The following EPHA6 variants were observed in gnomAD, a reference collection of about 807,000 sequenced individuals.
The protein encoded by EPHA6 is EPH receptor A6, also known as ephrin type-A receptor 6.
A neutral mutation model predicts 112.0 loss-of-function variants in EPHA6; 50 were observed. The observed-to-expected ratio is 0.45, with a 90% CI of 0.36 to 0.56. EPHA6 has a LOEUF of 0.56. EPHA6 is among the 20% of genes least tolerant of loss of function. EPHA6 has a pLI of 0.00. For missense variants in EPHA6, 1,280 were observed against 1,417.4 expected (o/e 0.90, Z 1.56); for synonymous variants, 529 against 490.7 (o/e 1.08, Z -1.03).
At chr3:97,548,141 C>T (rs2092982158) in intron 11 of EPHA6, among the ~76,000 whole-genome samples, 1 of 152,180 alleles carries the variant, frequency 6.6e-6, no homozygotes, top group African/African-American at 2.4e-5. Context: ...GCAAAATCAC[C>T]CGTCTTCTGT....
chr3:97,254,426 G>C (rs1034314314), intron 5 of EPHA6, among the ~76,000 whole-genome samples: 3 of 152,184 alleles, frequency 2.0e-5, no homozygotes, highest in African/African-American at 7.2e-5. Context: ...CTGACCTCTT[G>C]TTCCGCCTGC....
chr3:96,921,379 CTT>C (rs2039753855), intron 2 of EPHA6, among the ~76,000 whole-genome samples: 1 of 151,896 alleles, frequency 6.6e-6, no homozygotes, highest in Non-Finnish European at 1.5e-5. Context: ...ATCCAGAAAA[CTT>C]AAACATAAAC....
chr3:96,981,113 G>A (rs371996321), intron 2 of EPHA6, among the ~76,000 whole-genome samples: 22 of 152,088 alleles, frequency 1.4e-4, no homozygotes, highest in African/African-American at 2.4e-4. Flanking sequence ...GAGAGAGGGC[G>A]TCCCTGTCTT....
chr3:97,402,148 T>G (rs2087030086), intron 5 of EPHA6, among the ~76,000 whole-genome samples: 1 of 152,066 alleles, frequency 6.6e-6, no homozygotes. Context: ...ATGAAATGTT[T>G]TGTAACTATT....
intron 3 of EPHA6, among the ~76,000 whole-genome samples, chr3:97,051,261 G>A (rs576094956): frequency 6.6e-6 from 1 of 152,232 alleles, no homozygotes; most frequent in Admixed American, 6.5e-5. Flanking sequence ...TTTGGAAAAT[G>A]TCACTGGAGA....
intron 14 of EPHA6, among the ~76,000 whole-genome samples, chr3:97,712,424 GT>G (rs2107767925): frequency 6.6e-6 from 1 of 152,236 alleles, no homozygotes; most frequent in African/African-American, 2.4e-5. Flanking sequence ...CATGCAGTAT[GT>G]TTTCAAAACC....
intron 1 of EPHA6, among the ~76,000 whole-genome samples, chr3:96,863,165 G>T (rs1022336356): frequency 6.6e-6 from 1 of 151,752 alleles, no homozygotes; most frequent in South Asian, 2.1e-4. Context: ...ATAAATAATA[G>T]GTGTTAATCT....
At chr3:97,033,163 G>A (rs1007816353) in intron 3 of EPHA6, among the ~76,000 whole-genome samples, 6 of 151,952 alleles carry the variant, frequency 3.9e-5, no homozygotes, top group African/African-American at 1.4e-4. Context: ...CGGTACTCTT[G>A]GAAAGGTTGT....
Position 97,736,075 on chromosome 3 carries a change from C to T in EPHA6, c.3085C>T (p.Arg1029Ter), listed in dbSNP as rs765964140. 2.5e-6 allele frequency: 4 copies of T among 1,612,204 alleles called. No individual in the cohort carries two copies. The highest frequency in any genetic ancestry group is 3.4e-6 in the Non-Finnish European group (4 of 1,179,056). The change falls in exon 16 of 18, where the codon CGA (arginine) becomes TGA (stop). Residue 1029 changes from arginine (R) to a stop codon, truncating the protein, a stop_gained. Transcript: ENST00000389672. LOFTEE classifies it high-confidence loss of function. ...TGTCAGCTTCCTTGACAAACTGATCCGAAATCCCAGTGCCCTTCACACCCT... is the reference window on the plus strand; with the variant it reads ...TGTCAGCTTCCTTGACAAACTGATCTGAAATCCCAGTGCCCTTCACACCCT... The part of the protein sequence containing the change: ...DIVSFLDKLI[R>*]NPSALHTLVE...
At chr3:97,028,236 A>T (rs1057175094) in intron 3 of EPHA6, among the ~76,000 whole-genome samples, 2 of 151,952 alleles carry the variant, frequency 1.3e-5, no homozygotes, top group African/African-American at 2.4e-5. Context: ...TTACTGCTTT[A>T]ATTTCCCTGG....
intron 14 of EPHA6, among the ~76,000 whole-genome samples, chr3:97,651,261 C>T (rs1235823573): frequency 6.6e-6 from 1 of 152,008 alleles, no homozygotes; most frequent in Non-Finnish European, 1.5e-5. Flanking sequence ...AAACCTAAAA[C>T]AATCTTCAAT....
intron 13 of EPHA6, among the ~76,000 whole-genome samples, chr3:97,634,481 G>A (rs544873707): frequency 6.6e-6 from 1 of 152,000 alleles, no homozygotes; most frequent in Non-Finnish European, 1.5e-5. Flanking sequence ...AACACAGGTG[G>A]GGTTCCCTGG....
chr3:97,382,556 G>C (rs1034078108), intron 5 of EPHA6, among the ~76,000 whole-genome samples: 1 of 151,974 alleles, frequency 6.6e-6, no homozygotes, highest in Non-Finnish European at 1.5e-5. Flanking sequence ...CCTGACTTCG[G>C]TATACCCAGT....
At chr3:97,745,220 T>C (rs893715015) in intron 16 of EPHA6, 14 of 278,610 alleles carry the variant, frequency 5.0e-5, no homozygotes, top group African/African-American at 3.0e-4. Context: ...GTATTTTACA[T>C]ATGAAATTTT....
In EPHA6 at chr3:97,663,328, T is replaced by C. The variant is rs116014017; in HGVS notation, c.2784+25246T>C. Reference sequence around the variant, plus strand: ...TTTTTGTGGAGCCTTTTTTTTTCTTTTTTTATATATACTTTTTTTATTATA... The same window carrying C: ...TTTTTGTGGAGCCTTTTTTTTTCTTCTTTTATATATACTTTTTTTATTATA... On this transcript the variant is annotated intron_variant, in intron 14 of 17. Coordinates refer to ENST00000389672, the MANE Select transcript of EPHA6 (RefSeq NM_001080448.3). 4.1e-3 allele frequency among the ~76,000 whole-genome samples: 628 copies of C among 152,172 alleles called. 6 individuals are homozygous for C. Among genetic ancestry groups the C allele is most frequent in the African/African-American group, 0.015 (607 of 41,566 alleles).
chr3:97,563,296 G>C (rs1026975008), intron 11 of EPHA6, among the ~76,000 whole-genome samples: 22 of 152,146 alleles, frequency 1.4e-4, no homozygotes, highest in African/African-American at 4.8e-4. Flanking sequence ...AGAATGTCCT[G>C]TGAAAATCTG....
intron 5 of EPHA6, among the ~76,000 whole-genome samples, chr3:97,383,438 A>G (rs2085867780): frequency 6.6e-6 from 1 of 152,106 alleles, no homozygotes; most frequent in Non-Finnish European, 1.5e-5. Flanking sequence ...CATTGAAAAC[A>G]TGCCCTGAAA....
intron 14 of EPHA6, chr3:97,646,081 A>C (rs1176140159): frequency 6.9e-7 from 1 of 1,450,190 alleles, no homozygotes; most frequent in Non-Finnish European, 9.3e-7. Flanking sequence ...ATACGGACAG[A>C]ATAGGCATTT....
chr3:97,412,890 T>C (rs998442450), intron 6 of EPHA6, among the ~76,000 whole-genome samples: 2 of 152,056 alleles, frequency 1.3e-5, no homozygotes, highest in African/African-American at 2.4e-5. Context: ...GTCCAGAGGT[T>C]ATGTTATCTG....
Sources: allele counts gnomAD v4.1 joint callset (sites outside exome capture counted in the v4.1 genomes callset), GRCh38; gene constraint gnomAD v4.1.1; transcripts MANE v1.5; gene names NCBI Gene and HGNC (gene_info 2026-07-23, HGNC 2026-07-21).